The following PPP3CA variants were observed in gnomAD, a reference collection of about 807,000 sequenced individuals.
PPP3CA encodes the protein protein phosphatase 3 catalytic subunit alpha, also known as CAM-PRP catalytic subunit.
PPP3CA carries 14 observed loss-of-function variants against 66.5 expected under a neutral mutation model. The observed-to-expected ratio is 0.21, with a 90% CI of 0.14 to 0.33. The LOEUF is 0.33. PPP3CA is among the 10% of genes least tolerant of loss of function. The pLI is 1.00. For synonymous variants in PPP3CA, 232 were observed against 226.2 expected, an observed-to-expected ratio of 1.03 and a Z score of -0.23; for missense variants, 317 against 639.5, an observed-to-expected ratio of 0.50 and a Z score of 5.44.
intron 2 of PPP3CA, among the ~76,000 whole-genome samples, chr4:101,135,245 CAAAA>C (rs11290239): frequency 0.14 from 19,807 of 142,084 alleles, 2,397 homozygotes; most frequent in African/African-American, 0.31. Context: ...TAATCCTTCT[CAAAA>C]AAAAAAAAAA....
chr4:101,133,293 G>A (rs966351563), intron 2 of PPP3CA, among the ~76,000 whole-genome samples: 6 of 152,116 alleles, frequency 3.9e-5, no homozygotes, highest in Admixed American at 6.6e-5. Flanking sequence ...CAAATAGGAA[G>A]AGAAGAAGTC....
At chr4:101,114,293 T>C (rs1434737359) in intron 2 of PPP3CA, among the ~76,000 whole-genome samples, 1 of 152,112 alleles carries the variant, frequency 6.6e-6, no homozygotes, top group East Asian at 1.9e-4. Context: ...ATGAACACAT[T>C]AAATATATTG....
At chr4:101,288,333 T>C (rs1727907914) in intron 1 of PPP3CA, among the ~76,000 whole-genome samples, 1 of 152,136 alleles carries the variant, frequency 6.6e-6, no homozygotes, top group Non-Finnish European at 1.5e-5. Context: ...AGCTTATACA[T>C]AAAGGCCATT....
chr4:101,321,796 G>C (rs1426366815), intron 1 of PPP3CA, among the ~76,000 whole-genome samples: 2 of 152,160 alleles, frequency 1.3e-5, no homozygotes, highest in Non-Finnish European at 2.9e-5. Flanking sequence ...AGAAAAATCT[G>C]AAGAGTCAAA....
At chr4:101,108,813 A>G (rs1217365034) in intron 3 of PPP3CA, 141 bp downstream of exon 3, 1 of 811,174 alleles carries the variant, frequency 1.2e-6, no homozygotes, top group Non-Finnish European at 1.9e-6. Context: ...CTGAAAATAT[A>G]ATATGTAATA....
intron 2 of PPP3CA, among the ~76,000 whole-genome samples, chr4:101,155,118 TA>T (rs1208334404): frequency 6.6e-6 from 1 of 151,974 alleles, no homozygotes; most frequent in African/African-American, 2.4e-5. Context: ...CCCAGCCATA[TA>T]AAAAATATTT....
At chr4:101,215,068 C>T (rs988882017) in intron 1 of PPP3CA, among the ~76,000 whole-genome samples, 3 of 151,938 alleles carry the variant, frequency 2.0e-5, no homozygotes, top group Admixed American at 1.3e-4. Flanking sequence ...CATGTCCTTT[C>T]CTGAGATTTT....
At chr4:101,224,486 C>T (rs1007767492) in intron 1 of PPP3CA, among the ~76,000 whole-genome samples, 3 of 151,688 alleles carry the variant, frequency 2.0e-5, no homozygotes, top group African/African-American at 7.3e-5. Flanking sequence ...GCTATTACTT[C>T]TACAATAGCT....
At chr4:101,288,548 GA>G (rs1158357676) in intron 1 of PPP3CA, among the ~76,000 whole-genome samples, 9 of 151,430 alleles carry the variant, frequency 5.9e-5, no homozygotes, top group Admixed American at 2.6e-4. Context: ...AAGGGAGCGG[GA>G]GGGGGAGGGG....
chr4:101,062,450 T>G (rs6851231), intron 9 of PPP3CA, among the ~76,000 whole-genome samples: 52,793 of 151,710 alleles, frequency 0.35, 11,118 homozygotes, highest in African/African-American at 0.58. Context: ...ACTCTGATAC[T>G]TATAGGAACA....
chr4:101,071,945 T>C (rs1420389163), intron 8 of PPP3CA, among the ~76,000 whole-genome samples: 1 of 152,208 alleles, frequency 6.6e-6, no homozygotes. Flanking sequence ...AATCTTTCAA[T>C]ATTAAATTTT....
intron 1 of PPP3CA, among the ~76,000 whole-genome samples, chr4:101,277,927 A>G (rs1293877708): frequency 1.3e-5 from 2 of 152,124 alleles, no homozygotes; most frequent in Admixed American, 1.3e-4. Context: ...TGACTATATT[A>G]GTCCTATAAA....
chr4:101,261,947 C>T (rs1228431127), intron 1 of PPP3CA, among the ~76,000 whole-genome samples: 1 of 151,858 alleles, frequency 6.6e-6, no homozygotes, highest in Non-Finnish European at 1.5e-5. Context: ...TCTAACTACT[C>T]ATATTTTTCT....
chr4:101,098,194 T>A (rs1427112748), intron 5 of PPP3CA, among the ~76,000 whole-genome samples, 173 bp downstream of exon 5: 2 of 152,156 alleles, frequency 1.3e-5, no homozygotes, highest in East Asian at 3.9e-4. Context: ...CTTCCAAGTA[T>A]AAACATATCT....
At chr4:101,086,650 A>C (rs918902917) in intron 6 of PPP3CA, among the ~76,000 whole-genome samples, 11 of 152,178 alleles carry the variant, frequency 7.2e-5, no homozygotes, top group Admixed American at 2.0e-4. Flanking sequence ...ATCACCTGTG[A>C]AGCATTCTCT....
chr4:101,142,910 A>G (rs139735021), intron 2 of PPP3CA, among the ~76,000 whole-genome samples: 1 of 152,196 alleles, frequency 6.6e-6, no homozygotes, highest in Non-Finnish European at 1.5e-5. Flanking sequence ...GAGGAGTGGC[A>G]TTTTCTGGAA....
chr4:101,247,719 G>T (rs370221071), intron 1 of PPP3CA, among the ~76,000 whole-genome samples: 1 of 152,194 alleles, frequency 6.6e-6, no homozygotes, highest in East Asian at 1.9e-4. Flanking sequence ...TTCAACAAAA[G>T]AATTTTAATA....
At position 101,229,204 on chromosome 4, in the gene PPP3CA, G is replaced by A. The variant is rs113336651; in HGVS notation, c.59-33088C>T. 9.0e-3 allele frequency among the ~76,000 whole-genome samples: 1,351 copies of A among 150,806 alleles called. 19 individuals are homozygous for A. The highest frequency in any genetic ancestry group is 0.031 in the African/African-American group (1,283 of 41,170). On this transcript the variant is annotated intron_variant, in intron 1 of 13. Coordinates refer to ENST00000394854, the MANE Select transcript of PPP3CA (RefSeq NM_000944.5). ...ACAACCTAAGTGACAAATTGAACAC[G>A]ACAAGTGTAATACAACTTTTATTCA...
intron 2 of PPP3CA, among the ~76,000 whole-genome samples, chr4:101,134,135 T>C (rs930158295): frequency 6.6e-6 from 1 of 152,068 alleles, no homozygotes; most frequent in Non-Finnish European, 1.5e-5. Context: ...CCTAAAACCA[T>C]AAAAACCCTA....
Sources: allele counts gnomAD v4.1 joint callset (sites outside exome capture counted in the v4.1 genomes callset), GRCh38; gene constraint gnomAD v4.1.1; transcripts MANE v1.5; gene names NCBI Gene and HGNC (gene_info 2026-07-23, HGNC 2026-07-21).